Variants in KCNQ3 observed in about 807,000 individuals in gnomAD.
The protein encoded by KCNQ3 is potassium voltage-gated channel subfamily Q member 3.
In KCNQ3, 30 loss-of-function variants were observed where a neutral mutation model predicts 92.5. The observed-to-expected ratio is 0.32, with a 90% confidence interval of 0.24 to 0.44. The LOEUF is 0.44. Ranked by LOEUF, KCNQ3 falls within the 20% of genes least tolerant of loss-of-function variation. KCNQ3 has a pLI of 1.00. For synonymous variants in KCNQ3, 450 were observed against 468.8 expected (o/e 0.96, Z 0.52); for missense variants, 913 against 1,140.3 (o/e 0.80, Z 2.87).
At chr8:132,197,339 A>G (rs1203938889) in intron 1 of KCNQ3, among the ~76,000 whole-genome samples, 1 of 152,224 alleles carries the variant, frequency 6.6e-6, no homozygotes, top group Admixed American at 6.5e-5. Flanking sequence ...CCTCCTCCAC[A>G]CTAACACTGT....
At chr8:132,145,085 C>T (rs2130951083) in intron 9 of KCNQ3, among the ~76,000 whole-genome samples, 1 of 152,282 alleles carries the variant, frequency 6.6e-6, no homozygotes, top group East Asian at 1.9e-4. Context: ...AGCACTATTG[C>T]CATCTAGTGG....
intron 1 of KCNQ3, among the ~76,000 whole-genome samples, chr8:132,400,269 C>A (rs766892689): frequency 6.6e-6 from 1 of 152,216 alleles, no homozygotes; most frequent in Non-Finnish European, 1.5e-5. Context: ...ATCCTATCCA[C>A]TTCTAACATT....
chr8:132,467,686 C>T (rs980321430), intron 1 of KCNQ3, among the ~76,000 whole-genome samples: 10 of 152,172 alleles, frequency 6.6e-5, no homozygotes, highest in Admixed American at 3.3e-4. Flanking sequence ...GAAAATGTGG[C>T]CCTGAGTGGT....
At chr8:132,276,685 A>G (rs1161078511) in intron 1 of KCNQ3, among the ~76,000 whole-genome samples, 1 of 152,130 alleles carries the variant, frequency 6.6e-6, no homozygotes, top group Non-Finnish European at 1.5e-5. Context: ...TATCATAACA[A>G]TCCTCCATGG....
chr8:132,409,353 C>T (rs189538269), intron 1 of KCNQ3, among the ~76,000 whole-genome samples: 1 of 152,130 alleles, frequency 6.6e-6, no homozygotes, highest in Non-Finnish European at 1.5e-5. Flanking sequence ...AGTTCCTGAT[C>T]CCCTGACCTT....
Position 132,134,347 on chromosome 8 carries a change from T to C in KCNQ3, c.1742A>G (p.Lys581Arg). The change falls in exon 13 of 15, where the codon AAA (lysine) becomes AGA (arginine). Residue 581 changes from lysine to arginine, a missense_variant. Lys to Arg is a conservative substitution (Grantham distance 26, BLOSUM62 2). Around this residue, in one of 6 missense-constraint regions of KCNQ3, gnomAD observed 182 missense variants for 234.5 expected, o/e 0.78. Transcript: ENST00000388996. ...IFTPGPPSTP[K>R]HKKSQKGSAF... ...TGACCCTTTCTGAGACTTCTTGTGTTTTGGCGTGGAGGGAGGTCCAGGGGT... is the reference window on the plus strand; with the variant it reads ...TGACCCTTTCTGAGACTTCTTGTGTCTTGGCGTGGAGGGAGGTCCAGGGGT... 1 of 1,613,978 alleles carries C rather than the reference T, an allele frequency of 6.2e-7. No homozygotes were observed. The highest frequency in any genetic ancestry group is 1.1e-5 in the South Asian group (1 of 91,076).
intron 4 of KCNQ3, 31 bp from the exon 5 acceptor site, chr8:132,175,639 G>T: frequency 6.2e-7 from 1 of 1,610,060 alleles, no homozygotes; most frequent in South Asian, 1.1e-5. Context: ...CATGAAAAGT[G>T]GTCACTGGGG....
At chr8:132,289,425 G>C (rs1816778333) in intron 1 of KCNQ3, among the ~76,000 whole-genome samples, 2 of 152,198 alleles carry the variant, frequency 1.3e-5, no homozygotes, top group South Asian at 4.1e-4. Flanking sequence ...AAGTCTAGGG[G>C]AGAATCCTTC....
At chr8:132,445,300 G>A (rs1454624932) in intron 1 of KCNQ3, among the ~76,000 whole-genome samples, 1 of 152,114 alleles carries the variant, frequency 6.6e-6, no homozygotes, top group Non-Finnish European at 1.5e-5. Context: ...GAGAAGGAGA[G>A]GCAGCTGTGA....
At chr8:132,462,992 T>G (rs1435494060) in intron 1 of KCNQ3, among the ~76,000 whole-genome samples, 1 of 152,102 alleles carries the variant, frequency 6.6e-6, no homozygotes, top group Non-Finnish European at 1.5e-5. Context: ...AAGACACACA[T>G]ACACAGACAA....
intron 8 of KCNQ3, 37 bp downstream of exon 8, chr8:132,170,297 G>A (rs1180039220): frequency 1.4e-6 from 2 of 1,450,622 alleles, no homozygotes. Flanking sequence ...AGAGATGGCT[G>A]GTCACGCCCT....
At chr8:132,188,183 C>T (rs960946324) in intron 1 of KCNQ3, among the ~76,000 whole-genome samples, 2 of 152,142 alleles carry the variant, frequency 1.3e-5, no homozygotes, top group Non-Finnish European at 2.9e-5. Context: ...GTCATCTCAT[C>T]TGGGGAATGA....
intron 1 of KCNQ3, among the ~76,000 whole-genome samples, chr8:132,186,956 C>CAGAA (rs1491162628): frequency 1.1e-5 from 1 of 94,184 alleles, no homozygotes; most frequent in African/African-American, 4.4e-5. Context: ...GAGAGAGAGA[C>CAGAA]AGAGAGAGAG....
chr8:132,206,521 C>G (rs1378864562), intron 1 of KCNQ3, among the ~76,000 whole-genome samples: 1 of 152,214 alleles, frequency 6.6e-6, no homozygotes, highest in Non-Finnish European at 1.5e-5. Flanking sequence ...AGGACACAGT[C>G]ATATACGAGG....
chr8:132,180,131 T>C, intron 4 of KCNQ3, 26 bp downstream of exon 4: 1 of 1,613,484 alleles, frequency 6.2e-7, no homozygotes, highest in Non-Finnish European at 8.5e-7. Context: ...GCCCATGTGG[T>C]CCTGCAGTTT....
chr8:132,379,573 C>T (rs1011782017), intron 1 of KCNQ3, among the ~76,000 whole-genome samples: 2 of 152,176 alleles, frequency 1.3e-5, no homozygotes, highest in African/African-American at 4.8e-5. Context: ...AAACCCTTAC[C>T]AGTTGGCCCT....
At chr8:132,217,256 C>G (rs993189436) in intron 1 of KCNQ3, among the ~76,000 whole-genome samples, 1 of 152,150 alleles carries the variant, frequency 6.6e-6, no homozygotes, top group African/African-American at 2.4e-5. Flanking sequence ...AGAGTCCAGA[C>G]AGATGGCAAA....
At chr8:132,404,370 A>G (rs1212145622) in intron 1 of KCNQ3, among the ~76,000 whole-genome samples, 1 of 152,228 alleles carries the variant, frequency 6.6e-6, no homozygotes, top group Non-Finnish European at 1.5e-5. Context: ...TTAATCAAAC[A>G]TTAAGTATTT....
chr8:132,134,518 A>C, intron 12 of KCNQ3, 130 bp from the exon 13 acceptor site: 1 of 689,416 alleles, frequency 1.5e-6, no homozygotes, highest in Non-Finnish European at 2.6e-6. Flanking sequence ...AGGAGAGGAG[A>C]AGTGAGGAGA....
Sources: gnomAD v4.1 joint callset for allele counts (sites outside exome capture counted in the v4.1 genomes callset) on GRCh38, gnomAD v4.1.1 for gene constraint, gnomAD v4.1.1 regional missense constraint, MANE v1.5 for transcripts, NCBI Gene and HGNC (gene_info 2026-07-23, HGNC 2026-07-21) for gene names.